Variants in LRP4 observed in about 807,000 individuals in gnomAD.
The protein encoded by LRP4 is LDL receptor related protein 4.
In LRP4, 95 loss-of-function variants were observed where a neutral mutation model predicts 220.3. That is an observed-to-expected ratio of 0.43 (90% CI 0.37 to 0.51). The LOEUF is 0.51. LRP4 is among the 20% of genes least tolerant of loss of function. LRP4 has a pLI of 0.00. For synonymous variants in LRP4, 903 were observed against 954.6 expected (o/e 0.95, Z 1.00); for missense variants, 1,925 against 2,567.0 (o/e 0.75, Z 5.40).
At chr11:46,882,158 G>A (rs1941177580) in intron 19 of LRP4, among the ~76,000 whole-genome samples, 1 of 152,172 alleles carries the variant, frequency 6.6e-6, no homozygotes, top group African/African-American at 2.4e-5. Context: ...AGTGTACATG[G>A]GAATAAAGAA....
chr11:46,865,286 A>T (rs531027646), intron 34 of LRP4, 100 bp from the exon 35 acceptor site: 3 of 800,130 alleles, frequency 3.7e-6, no homozygotes, highest in Non-Finnish European at 6.5e-6. Flanking sequence ...GGGGGCTTTC[A>T]GGTATGAGAA....
chr11:46,869,408 A>G (rs1167193272), intron 31 of LRP4, among the ~76,000 whole-genome samples: 1 of 152,218 alleles, frequency 6.6e-6, no homozygotes, highest in Non-Finnish European at 1.5e-5. Context: ...TGGTCTGTCC[A>G]TCCTACCAGT....
chr11:46,883,973 G>C lies in LRP4; in HGVS notation c.2510C>G (p.Thr837Arg), dbSNP rs1433481205. 3 of 1,611,652 alleles carry C rather than the reference G, an allele frequency of 1.9e-6. No homozygotes were observed. In the South Asian group the frequency reaches 3.3e-5, roughly 18 times the overall value. ...TNKLYWTDAG[T>R]DRIEVANTDG... is the part of the protein sequence containing the mutation. ...TGTGTTGGCTACTTCAATCCGGTCT[G>C]TACCTATCAAGAAGGGATACAGAGA... Residue 837 changes from threonine to arginine, a missense_variant, in exon 19 of 38, where the codon ACA (threonine) becomes AGA (arginine). By Grantham distance (71) the Thr-to-Arg change is moderately conservative. Around this residue, in one of 3 missense-constraint regions of LRP4, gnomAD observed 1,244 missense variants for 1,624.9 expected, o/e 0.77. Transcript: ENST00000378623.
At chr11:46,866,118 G>A (rs1431658313) in intron 34 of LRP4, among the ~76,000 whole-genome samples, 1 of 149,334 alleles carries the variant, frequency 6.7e-6, no homozygotes, top group Non-Finnish European at 1.5e-5. Context: ...TAAAAATAAA[G>A]AGACCAGTAT....
Position 46,898,708 on chromosome 11 carries a change from C to T in LRP4, c.677-31G>A, listed in dbSNP as rs756532348. 12 of 1,613,386 alleles carry T rather than the reference C, an allele frequency of 7.4e-6. No individual in the cohort carries two copies. The South Asian group carries it at 1.3e-4, about 18-fold the overall frequency. On this transcript the variant is annotated intron_variant, in intron 6 of 37. Transcript: ENST00000378623. ...GAAACACAAGACTTCTGTCTCTAGC[C>T]AGTCTGTGCAGTGTCCCATGGCAGA... is the stretch of plus-strand genomic sequence containing the variant.
chr11:46,918,325 T>C lies in LRP4; in HGVS notation c.52+3A>G, dbSNP rs1456865574. 7 of 1,508,532 alleles carry C rather than the reference T, an allele frequency of 4.6e-6. No homozygotes were observed. The highest frequency in any genetic ancestry group is 2.9e-5 in the African/African-American group (2 of 69,586). The allele number at this position is 1,508,532 out of a possible 1,614,324, so 93.4% of individuals were successfully genotyped here. A position where few individuals can be genotyped will look rare whatever the true frequency, so the allele number is the denominator to read the frequency against. On this transcript the variant is annotated splice_donor_region_variant and intron_variant, in intron 1 of 37. Transcript: ENST00000378623. The surrounding 1 kb of genome is among the most constrained non-coding windows in gnomAD (Gnocchi z 6.0). ...ACAAACTTTCCCGGCGGGCGCCGCT[T>C]ACCGTGTGCGCAGAGCAGGGCGCCA...
At position 46,858,010 on chromosome 11, in the gene LRP4, G is replaced by A. The variant is rs1180763364; in HGVS notation, c.*973C>T. 1.3e-5 allele frequency: 2 copies of A among 152,562 alleles called. No homozygotes were observed. The highest frequency in any genetic ancestry group is 2.9e-5 in the Non-Finnish European group (2 of 68,118). The allele number at this position is 152,562 out of a possible 1,614,324, so 9.5% of individuals were successfully genotyped here. On this transcript the variant is annotated 3_prime_UTR_variant, in exon 38 of 38. Coordinates refer to ENST00000378623, the MANE Select transcript of LRP4 (RefSeq NM_002334.4). ...GACAACTTCTGGTTTTTCTTTGAAA[G>A]CTTGTTTCTAGGTCTCTTCCCCAGA...
At chr11:46,888,430 G>A (rs939914368) in intron 16 of LRP4, among the ~76,000 whole-genome samples, 4 of 151,076 alleles carry the variant, frequency 2.6e-5, no homozygotes, top group African/African-American at 9.7e-5. Context: ...GCGCATGCTT[G>A]TAATCCCAGC....
At position 46,892,954 on chromosome 11, in the gene LRP4, A is replaced by G. The variant is rs1343124209; in HGVS notation, c.1697+19T>C. The G allele has an allele frequency of 1.2e-6, 2 of 1,611,688 alleles. No individual in the cohort carries two copies. Among genetic ancestry groups the G allele is most frequent in the East Asian group, 4.5e-5 (2 of 44,860 alleles). On this transcript the variant is annotated intron_variant, in intron 13 of 37. Coordinates refer to ENST00000378623, the MANE Select transcript of LRP4 (RefSeq NM_002334.4). ...CCGAGAGGTTGCAAGAAAGTTCGGGAGCCTGAGATACAACTTACCCCTCCA... is the reference window on the plus strand; with the variant it reads ...CCGAGAGGTTGCAAGAAAGTTCGGGGGCCTGAGATACAACTTACCCCTCCA...
intron 17 of LRP4, 63 bp downstream of exon 17, chr11:46,886,262 A>T: frequency 6.2e-7 from 1 of 1,600,744 alleles, no homozygotes; most frequent in Non-Finnish European, 8.6e-7. Context: ...TGGCAAAGGT[A>T]TGGGAAGCCC....
At chr11:46,878,607 A>T (rs143433087) in intron 22 of LRP4, among the ~76,000 whole-genome samples, 1 of 152,250 alleles carries the variant, frequency 6.6e-6, no homozygotes, top group East Asian at 1.9e-4. Context: ...TCAGTATATT[A>T]TGACAATGTA....
chr11:46,899,645 C>T lies in LRP4; in HGVS notation c.431-142G>A. On this transcript the variant is annotated intron_variant, in intron 4 of 37. Coordinates refer to ENST00000378623, the MANE Select transcript of LRP4 (RefSeq NM_002334.4). The surrounding 1 kb of genome is among the most constrained non-coding windows in gnomAD (Gnocchi z 5.9). ...CACCCCAGAGTCAGTGCAGACTCTC[C>T]AGGGAGAACGGAGGCCCTGGAGAGA... The T allele has an allele frequency of 3.9e-6, 3 of 767,520 alleles. No homozygotes were observed. In the South Asian group the frequency reaches 4.3e-5, roughly 11 times the overall value. The allele number at this position is 767,520 out of a possible 1,614,324, so 47.5% of individuals were successfully genotyped here.
intron 33 of LRP4, among the ~76,000 whole-genome samples, 194 bp downstream of exon 33, chr11:46,868,406 T>C (rs575852918): frequency 2.6e-5 from 4 of 152,326 alleles, no homozygotes; most frequent in Admixed American, 2.6e-4. Context: ...TTCCTGCAAA[T>C]GCCAGAGGGC....
At chr11:46,869,236 T>C in intron 31 of LRP4, 104 bp from the exon 32 acceptor site, 4 of 1,091,094 alleles carry the variant, frequency 3.7e-6, no homozygotes, top group Non-Finnish European at 5.5e-6. Flanking sequence ...TCTGCTGAAA[T>C]GCCCTCTTCA....
In LRP4 at chr11:46,886,254, G is replaced by A. The variant is rs186325857; in HGVS notation, c.2424+71C>T. On this transcript the variant is annotated intron_variant, in intron 17 of 37. Coordinates refer to ENST00000378623, the MANE Select transcript of LRP4 (RefSeq NM_002334.4). ...CAAACTCCACCAATTCTCAAGGTTG[G>A]CAAAGGTATGGGAAGCCCTTCCCTG... 4.8e-4 allele frequency: 768 copies of A among 1,600,356 alleles called. 5 individuals are homozygous for A. In the African/African-American group the frequency reaches 8.9e-3, roughly 19 times the overall value.
intron 13 of LRP4, among the ~76,000 whole-genome samples, chr11:46,892,553 T>C (rs1274399616): frequency 1.3e-5 from 2 of 149,798 alleles, no homozygotes; most frequent in Admixed American, 1.4e-4. Context: ...ACAGAGCCCA[T>C]GTTATTAACA....
intron 31 of LRP4, among the ~76,000 whole-genome samples, chr11:46,870,543 C>A (rs1223909830): frequency 2.6e-5 from 4 of 152,172 alleles, no homozygotes; most frequent in African/African-American, 9.7e-5. Flanking sequence ...CCTGCCTCAG[C>A]CTCCTGAGTA....
At position 46,913,133 on chromosome 11, in the gene LRP4, A is replaced by G. The variant is rs867929605; in HGVS notation, c.52+5195T>C. 7.2e-5 allele frequency among the ~76,000 whole-genome samples: 11 copies of G among 152,266 alleles called. No homozygotes were observed. The South Asian group carries it at 8.3e-4, about 11-fold the overall frequency. On this transcript the variant is annotated intron_variant, in intron 1 of 37. Transcript: ENST00000378623. ...ATTCCGCATGGGGAAACAGGGTGTC[A>G]GGGAGCGCTAACAGCCAGTCCGCTC...
In LRP4 at chr11:46,902,842, G is replaced by T. The variant is rs1314654325; in HGVS notation, c.140C>A (p.Ala47Asp). 1.2e-6 allele frequency: 2 copies of T among 1,614,068 alleles called. No homozygotes were observed. The highest frequency in any genetic ancestry group is 3.3e-5 in the Admixed American group (2 of 60,016). ...ATTGTCTCCATCACACTGCCACTGG[G>T]CAGGGATGCAGGTACACTCTCCAAG... Reference protein sequence around the residue: ...SALGECTCIPAQWQCDGDNDC... With the variant: ...SALGECTCIPDQWQCDGDNDC... Residue 47 changes from alanine (A) to aspartate (D), a missense_variant, in exon 2 of 38, where the codon GCC (alanine) becomes GAC (aspartate). Ala to Asp is a moderately radical substitution (Grantham distance 126). Coordinates refer to ENST00000378623, the MANE Select transcript of LRP4 (RefSeq NM_002334.4).
Sources: gnomAD v4.1 joint callset for allele counts (sites outside exome capture counted in the v4.1 genomes callset) on GRCh38, gnomAD v4.1.1 for gene constraint, gnomAD v4.1.1 regional missense constraint, Gnocchi (gnomAD v3.1) non-coding constraint, MANE v1.5 for transcripts, NCBI Gene and HGNC (gene_info 2026-07-23, HGNC 2026-07-21) for gene names.